DNAH7: variants seen among roughly 807,000 people sequenced by gnomAD.
DNAH7 encodes dynein axonemal heavy chain 7.
Under a neutral mutation model 444.6 loss-of-function variants are expected in DNAH7, and 397 were observed. The observed-to-expected ratio is 0.89, with a 90% CI of 0.82 to 0.97. The LOEUF is 0.97. DNAH7 is among the 50% of genes least tolerant of loss of function. The pLI is 0.00. For missense variants in DNAH7, 4,902 were observed against 4,800.8 expected, an observed-to-expected ratio of 1.02 and a Z score of -0.62; for synonymous variants, 1,636 against 1,624.4, an observed-to-expected ratio of 1.01 and a Z score of -0.17.
At chr2:196,031,864 A>T (rs1052859091) in intron 5 of DNAH7, among the ~76,000 whole-genome samples, 1 of 152,050 alleles carries the variant, frequency 6.6e-6, no homozygotes. Context: ...ACATTTTCCT[A>T]TCTTTTTCTG....
At chr2:196,016,712 A>G (rs1695042262) in intron 9 of DNAH7, among the ~76,000 whole-genome samples, 1 of 152,168 alleles carries the variant, frequency 6.6e-6, no homozygotes, top group Non-Finnish European at 1.5e-5. Context: ...AGAGAGTTCC[A>G]CAGTGTGCAA....
At chr2:195,835,885 A>C (rs1698346922) in intron 47 of DNAH7, among the ~76,000 whole-genome samples, 1 of 152,044 alleles carries the variant, frequency 6.6e-6, no homozygotes, top group African/African-American at 2.4e-5. Flanking sequence ...TAGCTTAGAT[A>C]AAAAAGAAAA....
At chr2:195,808,043 G>T (rs1179857459) in intron 53 of DNAH7, among the ~76,000 whole-genome samples, 1 of 152,102 alleles carries the variant, frequency 6.6e-6, no homozygotes, top group East Asian at 1.9e-4. Flanking sequence ...CCCTAGGAGA[G>T]CTCTTGCATA....
intron 49 of DNAH7, 117 bp downstream of exon 49, chr2:195,824,138 C>T (rs2124914618): frequency 3.1e-6 from 3 of 957,464 alleles, no homozygotes; most frequent in Non-Finnish European, 4.4e-6. Context: ...TTAGGAAATA[C>T]CAAAATAAGG....
intron 24 of DNAH7, among the ~76,000 whole-genome samples, chr2:195,921,352 TACACACACACACACACACACACACAC>T (rs140152411): frequency 7.1e-6 from 1 of 140,380 alleles, no homozygotes; most frequent in Non-Finnish European, 1.5e-5. Context: ...AAATGTGGTG[TACACACACACACACACACACACACAC>T]ACACACACAC....
At chr2:195,942,668 T>C (rs1342987926) in intron 19 of DNAH7, among the ~76,000 whole-genome samples, 1 of 152,144 alleles carries the variant, frequency 6.6e-6, no homozygotes, top group Non-Finnish European at 1.5e-5. Context: ...CTAGTTAGGA[T>C]AATCTCTACT....
chr2:196,042,182 T>C (rs1696808990), intron 5 of DNAH7, among the ~76,000 whole-genome samples: 1 of 151,852 alleles, frequency 6.6e-6, no homozygotes, highest in African/African-American at 2.4e-5. Context: ...AAACATAGAA[T>C]TATTAGATTG....
chr2:195,765,001 A>C (rs1444749101), intron 61 of DNAH7, among the ~76,000 whole-genome samples: 1 of 152,174 alleles, frequency 6.6e-6, no homozygotes, highest in African/African-American at 2.4e-5. Context: ...ACAGAGCTAT[A>C]ATCAACAAAA....
intron 61 of DNAH7, among the ~76,000 whole-genome samples, chr2:195,761,015 G>A (rs1694322980): frequency 1.3e-5 from 2 of 151,842 alleles, no homozygotes; most frequent in South Asian, 2.1e-4. Context: ...GACTAATCCT[G>A]GAGATACAGA....
At chr2:195,790,748 A>G (rs1695842166) in intron 57 of DNAH7, among the ~76,000 whole-genome samples, 1 of 152,146 alleles carries the variant, frequency 6.6e-6, no homozygotes, top group Non-Finnish European at 1.5e-5. Flanking sequence ...CTAGAAGAAA[A>G]CCAAGGAAAT....
Position 195,888,822 on chromosome 2 carries a change from A to C in DNAH7, c.5206T>G (p.Leu1736Val). 1 of 1,612,522 alleles carries C rather than the reference A, an allele frequency of 6.2e-7. No homozygotes were observed. Among genetic ancestry groups the C allele is most frequent in the South Asian group, 1.1e-5 (1 of 90,362 alleles). ...QMNLIFEPMDLEVASPATVSR... is the reference protein window; with the variant it reads ...QMNLIFEPMDVEVASPATVSR... Reference sequence around the variant, plus strand: ...ACAGTGGCAGGGGAAGCAACTTCTAAATCCATTGGCTCAAAAATTAGATTC... The same window carrying C: ...ACAGTGGCAGGGGAAGCAACTTCTACATCCATTGGCTCAAAAATTAGATTC... Residue 1736 changes from leucine to valine, a missense_variant, in exon 32 of 65, where the codon TTA becomes GTA. Coordinates refer to ENST00000312428, the MANE Select transcript of DNAH7 (RefSeq NM_018897.3).
intron 49 of DNAH7, among the ~76,000 whole-genome samples, chr2:195,819,995 G>A (rs994627734): frequency 1.3e-5 from 2 of 152,096 alleles, no homozygotes; most frequent in Non-Finnish European, 2.9e-5. Context: ...CTTGGCAAAC[G>A]AAACAGCATA....
At position 195,865,032 on chromosome 2, in the gene DNAH7, A is replaced by G; in HGVS notation, c.6634-11T>C. ...ATACACTCGAAGGACCTGTATAATA[A>G]TTAAAAAGCAGCTTTAGAAACTTTC... On this transcript the variant is annotated splice_polypyrimidine_tract_variant and intron_variant, in intron 40 of 64. Transcript: ENST00000312428. 4 of 1,547,552 alleles carry G rather than the reference A, an allele frequency of 2.6e-6. No individual in the cohort carries two copies. The highest frequency in any genetic ancestry group is 3.5e-6 in the Non-Finnish European group (4 of 1,158,426).
At chr2:195,794,263 C>T in intron 57 of DNAH7, 75 bp downstream of exon 57, 2 of 1,419,910 alleles carry the variant, frequency 1.4e-6, no homozygotes, top group Non-Finnish European at 2.0e-6. Flanking sequence ...TTACTCAGTG[C>T]ACACATCCAT....
intron 16 of DNAH7, among the ~76,000 whole-genome samples, chr2:195,971,834 A>T (rs566789066): frequency 2.4e-4 from 36 of 152,266 alleles, no homozygotes; most frequent in Admixed American, 1.2e-3. Flanking sequence ...CACAATGCTC[A>T]TGAGAGTGAG....
intron 25 of DNAH7, 91 bp from the exon 26 acceptor site, chr2:195,907,100 T>A: frequency 1.0e-6 from 1 of 959,924 alleles, no homozygotes; most frequent in Non-Finnish European, 1.5e-6. Flanking sequence ...TTCAAGGATT[T>A]AATATCCTGT....
chr2:195,834,539 A>C, intron 47 of DNAH7, 179 bp from the exon 48 acceptor site: 1 of 533,508 alleles, frequency 1.9e-6, no homozygotes, highest in Middle Eastern at 5.4e-4. Flanking sequence ...GGGCTACCTG[A>C]ACGGCAACTA....
intron 19 of DNAH7, among the ~76,000 whole-genome samples, chr2:195,937,161 A>G (rs1010899829): frequency 6.6e-6 from 1 of 152,212 alleles, no homozygotes; most frequent in Non-Finnish European, 1.5e-5. Flanking sequence ...ATTCTAAACA[A>G]TAAGTCATCA....
intron 57 of DNAH7, among the ~76,000 whole-genome samples, chr2:195,790,523 C>T (rs960728050): frequency 6.7e-6 from 1 of 150,312 alleles, no homozygotes; most frequent in Non-Finnish European, 1.5e-5. Context: ...ATAGAGAACC[C>T]AGAAATAAAG....
Sources: gnomAD v4.1 joint callset for allele counts (sites outside exome capture counted in the v4.1 genomes callset) on GRCh38, gnomAD v4.1.1 for gene constraint, MANE v1.5 for transcripts, NCBI Gene and HGNC (gene_info 2026-07-23, HGNC 2026-07-21) for gene names.